Variants in TOGARAM2 observed in about 807,000 individuals in gnomAD.
TOGARAM2 encodes the protein TOG array regulator of axonemal microtubules 2, also known as TOG array regulator of axonemal microtubules protein 2.
TOGARAM2 carries 85 observed loss-of-function variants against 93.3 expected under a neutral mutation model. The observed-to-expected ratio is 0.91, with a 90% confidence interval of 0.76 to 1.09. The LOEUF (loss-of-function observed/expected upper bound fraction) is 1.09. Ranked by LOEUF, TOGARAM2 falls within the 50% of genes least tolerant of loss-of-function variation. TOGARAM2 has a pLI of 0.00. For missense variants in TOGARAM2, 1,277 were observed against 1,334.5 expected (o/e 0.96, Z 0.67); for synonymous variants, 593 against 552.8 (o/e 1.07, Z -1.02).
chr2:28,977,322 G>A (rs1255416806), upstream of TOGARAM2, among the ~76,000 whole-genome samples: 2 of 152,136 alleles, frequency 1.3e-5, no homozygotes, highest in African/African-American at 2.4e-5. Context: ...AGACAGAGAT[G>A]GGGGAGGCGC....
At chr2:28,968,609 C>T (rs1284409610) in intron 1 of TOGARAM2, among the ~76,000 whole-genome samples, 1 of 151,952 alleles carries the variant, frequency 6.6e-6, no homozygotes, top group Non-Finnish European at 1.5e-5. Flanking sequence ...GAGATCGAGA[C>T]CAGCCTGGGC....
In TOGARAM2 at chr2:29,011,453, A is replaced by C. The variant is rs1664242025; in HGVS notation, c.831-2A>C. ...TGCTTTTCTCTCCCCCGTTCTTTTA[A>C]GATTGGCTCGGGGGAGTGGGCCTCG... On this transcript the variant is annotated splice_acceptor_variant, in intron 6 of 19. Transcript: ENST00000379558. LOFTEE classifies it high-confidence loss of function. 1 of 1,610,638 alleles carries C rather than the reference A, an allele frequency of 6.2e-7. No individual in the cohort carries two copies. Among genetic ancestry groups the C allele is most frequent in the Non-Finnish European group, 8.5e-7 (1 of 1,178,524 alleles).
At chr2:29,038,404 A>G (rs1666245743) in intron 18 of TOGARAM2, among the ~76,000 whole-genome samples, 1 of 152,176 alleles carries the variant, frequency 6.6e-6, no homozygotes, top group African/African-American at 2.4e-5. Flanking sequence ...CAAAGGGATG[A>G]ATGGAGTCCA....
At chr2:29,012,114 A>G (rs1664288253) in intron 7 of TOGARAM2, among the ~76,000 whole-genome samples, 1 of 152,068 alleles carries the variant, frequency 6.6e-6, no homozygotes, top group African/African-American at 2.4e-5. Context: ...GGGAGGAGGG[A>G]TCCTTCCTGG....
chr2:28,963,890 C>T lies in TOGARAM2; in HGVS notation c.-147+7193C>T, dbSNP rs181732381. Among the ~76,000 whole-genome samples the T allele has an allele frequency of 9.1e-4, 138 of 152,196 alleles. 1 individual carries two copies. Among genetic ancestry groups the T allele is most frequent in the African/African-American group, 3.2e-3 (133 of 41,538 alleles). On this transcript the variant is annotated intron_variant, in intron 1 of 6. Transcript: ENST00000401723. ...GGGCATGGTAGTGTGCGCCTGTAGT[C>T]CAAGCTGCTTGGAGGTTGAGAAAGG...
chr2:28,973,849 G>C (rs895160526), intron 1 of TOGARAM2, among the ~76,000 whole-genome samples: 2 of 152,162 alleles, frequency 1.3e-5, no homozygotes, highest in Middle Eastern at 3.4e-3. Flanking sequence ...CATTCTTTGC[G>C]GGTAGGTCTG....
At chr2:28,969,045 A>C (rs929415309) in intron 1 of TOGARAM2, among the ~76,000 whole-genome samples, 1 of 152,148 alleles carries the variant, frequency 6.6e-6, no homozygotes, top group South Asian at 2.1e-4. Flanking sequence ...AGAGGAAGAC[A>C]GGATATTTCT....
At chr2:29,002,954 A>G (rs1218762550) in intron 5 of TOGARAM2, among the ~76,000 whole-genome samples, 1 of 152,138 alleles carries the variant, frequency 6.6e-6, no homozygotes, top group Non-Finnish European at 1.5e-5. Context: ...AAACCTCCAT[A>G]GCTGGCCTGG....
intron 1 of TOGARAM2, among the ~76,000 whole-genome samples, chr2:28,969,135 C>T (rs1235052665): frequency 6.6e-6 from 1 of 152,164 alleles, no homozygotes; most frequent in South Asian, 2.1e-4. Flanking sequence ...TAGGATGGAG[C>T]ACCGTGATAG....
At chr2:28,966,026 ATT>A (rs756586383) in intron 1 of TOGARAM2, among the ~76,000 whole-genome samples, 1 of 144,184 alleles carries the variant, frequency 6.9e-6, no homozygotes, top group Non-Finnish European at 1.5e-5. Flanking sequence ...CACTTAGCTT[ATT>A]TTTTTTTTTT....
At chr2:29,003,058 T>C (rs1673401802) in intron 5 of TOGARAM2, among the ~76,000 whole-genome samples, 1 of 152,214 alleles carries the variant, frequency 6.6e-6, no homozygotes, top group Admixed American at 6.5e-5. Context: ...CCAGAATTCC[T>C]CCTGCTTTCT....
chr2:28,975,893 A>T (rs1485851129), intron 1 of TOGARAM2, among the ~76,000 whole-genome samples: 2 of 152,050 alleles, frequency 1.3e-5, no homozygotes, highest in Non-Finnish European at 2.9e-5. Context: ...ATTGCTGATG[A>T]TGGGATGGAA....
At chr2:29,046,355 C>T (rs1666741839) in intron 19 of TOGARAM2, 1 of 152,312 alleles carries the variant, frequency 6.6e-6, no homozygotes, top group African/African-American at 2.4e-5. Flanking sequence ...GGTTACTTAT[C>T]TTGGTTTCAT....
At position 29,026,988 on chromosome 2, in the gene TOGARAM2, A is replaced by T. The variant is rs374966859; in HGVS notation, c.1989A>T (p.Ala663=). The stretch of plus-strand genomic sequence containing the variant: ...TGGTGCACAACCTGGTGAGGCTGGC[A>T]CAGGACTCCAACCAGGACACCAGGT... ...DMLVHNLVRL[A]QDSNQDTRFY... is the part of the protein sequence containing the mutation. The change falls in exon 14 of 20, where the codon GCA becomes GCT. Residue 663 remains alanine, a synonymous_variant. Coordinates refer to ENST00000379558, the MANE Select transcript of TOGARAM2 (RefSeq NM_199280.4). The T allele has an allele frequency of 2.8e-4, 439 of 1,563,564 alleles. No individual in the cohort carries two copies. Among genetic ancestry groups the T allele is most frequent in the Non-Finnish European group, 3.6e-4 (421 of 1,153,968 alleles).
chr2:28,979,547 AGGGG>A, upstream of TOGARAM2, among the ~76,000 whole-genome samples: 1 of 152,198 alleles, frequency 6.6e-6, no homozygotes, highest in African/African-American at 2.4e-5. Flanking sequence ...AGGAACAAGC[AGGGG>A]GTTACCTGCT....
chr2:29,003,623 T>G lies in TOGARAM2; in HGVS notation c.771T>G (p.Leu257=). ...CCCCCTCCCGTGTGCCTGGCTCCCT[T>G]CCCAGCCCGTTACCTCCAGGCCAGG... ...AATPSRVPGS[L]PSPLPPGQGV... The change falls in exon 6 of 20, where the codon CTT becomes CTG. Residue 257 remains leucine, a synonymous_variant. Coordinates refer to ENST00000379558, the MANE Select transcript of TOGARAM2 (RefSeq NM_199280.4). 1 of 1,592,848 alleles carries G rather than the reference T, an allele frequency of 6.3e-7. No individual in the cohort carries two copies. The highest frequency in any genetic ancestry group is 1.4e-5 in the African/African-American group (1 of 73,838).
chr2:29,042,770 AG>A (rs1220574976), intron 18 of TOGARAM2, among the ~76,000 whole-genome samples: 1 of 152,082 alleles, frequency 6.6e-6, no homozygotes, highest in African/African-American at 2.4e-5. Flanking sequence ...TCTCTCTTAC[AG>A]GGGGCAGTAG....
intron 6 of TOGARAM2, among the ~76,000 whole-genome samples, chr2:29,005,400 AGT>A (rs933990438): frequency 0.015 from 842 of 54,478 alleles, 19 homozygotes; most frequent in African/African-American, 0.046. Flanking sequence ...ATGTATGTGG[AGT>A]GTGTGTGTGC....
In TOGARAM2 at chr2:28,957,697, ATACT is replaced by A. The variant is rs368490082; in HGVS notation, c.-147+1004_-147+1007del. The stretch of plus-strand genomic sequence containing the variant: ...AACATTGATAAGGTTTGTTCACATG[ATACT>A]TACCACACTCTTACCTCATGAATGA... On this transcript the variant is annotated intron_variant, in intron 1 of 6. Transcript: ENST00000401723. Among the ~76,000 whole-genome samples the A allele has an allele frequency of 1.8e-4, 27 of 152,218 alleles. No individual in the cohort carries two copies. The East Asian group carries it at 4.6e-3, about 26-fold the overall frequency.
Sources: allele counts gnomAD v4.1 joint callset (sites outside exome capture counted in the v4.1 genomes callset), GRCh38; gene constraint gnomAD v4.1.1; transcripts MANE v1.5; gene names NCBI Gene and HGNC (gene_info 2026-07-23, HGNC 2026-07-21).